Variants in UBR3 observed in about 807,000 individuals in gnomAD.
UBR3 encodes ubiquitin protein ligase E3 component n-recognin 3.
Under a neutral mutation model 243.2 loss-of-function variants are expected in UBR3, and 85 were observed. The ratio of observed to expected loss-of-function variants is 0.35; its 90% CI spans 0.29 to 0.42. UBR3 has a LOEUF of 0.42. Among genes scored for constraint, UBR3 ranks in the 10% least tolerant of loss-of-function variants. The pLI is 1.00. For missense variants in UBR3, 1,686 were observed against 2,300.8 expected (o/e 0.73, Z 5.47); for synonymous variants, 748 against 799.8 (o/e 0.94, Z 1.09).
intron 11 of UBR3, among the ~76,000 whole-genome samples, chr2:169,920,233 G>A (rs1158330089): frequency 2.0e-5 from 3 of 152,022 alleles, no homozygotes; most frequent in Non-Finnish European, 4.4e-5. Context: ...ACCAAACACC[G>A]CATGTTCTCA....
chr2:170,007,340 A>T (rs1346086296), intron 28 of UBR3, 150 bp downstream of exon 28: 2 of 771,614 alleles, frequency 2.6e-6, no homozygotes, highest in African/African-American at 1.8e-5. Flanking sequence ...TTATACTTAA[A>T]TAAAAGTAAT....
Position 169,947,650 on chromosome 2 carries a change from A to T in UBR3, c.3019A>T (p.Thr1007Ser), listed in dbSNP as rs772055921. ...CTATGTTAGAGTAAGAGTTCCAGAG[A>T]CTGCTCCTGAAGTAAAGAGAGACTC... is the stretch of plus-strand genomic sequence containing the variant. The part of the protein sequence containing the change: ...INYVRVRVPE[T>S]APEVKRDSPA... Residue 1007 changes from threonine to serine, a missense_variant, in exon 22 of 39, where the codon ACT becomes TCT. Physicochemically the swap from Thr to Ser is moderately conservative, Grantham distance 58 (BLOSUM62 1). Coordinates refer to ENST00000272793, the MANE Select transcript of UBR3 (RefSeq NM_172070.4). 6.5e-7 allele frequency: 1 copy of T among 1,541,576 alleles called. No homozygotes were observed. The highest frequency in any genetic ancestry group is 1.4e-5 in the African/African-American group (1 of 72,680).
At chr2:170,001,912 C>CAAAAAAAAAAAAAAAAAAAAAAAAAAAA (rs71006062) in intron 27 of UBR3, among the ~76,000 whole-genome samples, 16 of 67,496 alleles carry the variant, frequency 2.4e-4, no homozygotes, top group Non-Finnish European at 3.8e-4. Context: ...GACTCCATCT[C>CAAAAAAAAAAAAAAAAAAAAAAAAAAAA]AAAAAAAAAA....
chr2:169,901,136 C>T (rs539445237), intron 8 of UBR3, among the ~76,000 whole-genome samples: 1 of 152,224 alleles, frequency 6.6e-6, no homozygotes, highest in South Asian at 2.1e-4. Flanking sequence ...TGTTTCTTGG[C>T]ACTTTGTCCT....
intron 1 of UBR3, among the ~76,000 whole-genome samples, chr2:169,844,651 G>A (rs1480767167): frequency 6.6e-6 from 1 of 151,782 alleles, no homozygotes; most frequent in African/African-American, 2.4e-5. Context: ...GCACCACTGC[G>A]CCTAGCTAAT....
chr2:169,931,431 A>AAGG (rs1351430625), intron 18 of UBR3, among the ~76,000 whole-genome samples: 4 of 152,000 alleles, frequency 2.6e-5, no homozygotes, highest in Non-Finnish European at 4.4e-5. Flanking sequence ...CTGTCTTCAG[A>AAGG]ATTTTAAGTC....
chr2:170,033,835 G>A (rs2090749589), intron 31 of UBR3, among the ~76,000 whole-genome samples: 1 of 151,132 alleles, frequency 6.6e-6, no homozygotes, highest in Non-Finnish European at 1.5e-5. Flanking sequence ...TCATTGTGCT[G>A]ATAATCATTT....
chr2:169,845,585 TTC>T (rs2082452501), intron 1 of UBR3, among the ~76,000 whole-genome samples: 1 of 150,756 alleles, frequency 6.6e-6, no homozygotes, highest in South Asian at 2.1e-4. Context: ...TTCTTTCTTC[TTC>T]TTTTTCTTTT....
At chr2:169,940,259 T>A (rs182824070) in intron 19 of UBR3, among the ~76,000 whole-genome samples, 12 of 152,290 alleles carry the variant, frequency 7.9e-5, no homozygotes, top group Middle Eastern at 3.4e-3. Context: ...ATGTATGGAT[T>A]TTAAGGCTAT....
chr2:170,066,880 C>T (rs1962688), intron 35 of UBR3, among the ~76,000 whole-genome samples: 107,927 of 151,222 alleles, frequency 0.71, 39,382 homozygotes, highest in East Asian at 0.88. Flanking sequence ...AGGAGAATGG[C>T]GTGAACCCAG....
intron 31 of UBR3, among the ~76,000 whole-genome samples, chr2:170,031,524 A>T (rs1447275456): frequency 6.6e-6 from 1 of 152,082 alleles, no homozygotes; most frequent in African/African-American, 2.4e-5. Flanking sequence ...TCTATTTTTT[A>T]AAATAATTTC....
chr2:169,878,015 C>T (rs531561446), intron 4 of UBR3, among the ~76,000 whole-genome samples: 10 of 152,298 alleles, frequency 6.6e-5, no homozygotes, highest in African/African-American at 2.4e-4. Context: ...TGAGTTTTCA[C>T]TGGAGAATTC....
At chr2:169,910,376 A>T (rs1045347692) in intron 10 of UBR3, among the ~76,000 whole-genome samples, 1 of 152,178 alleles carries the variant, frequency 6.6e-6, no homozygotes, top group Non-Finnish European at 1.5e-5. Context: ...TGATATTGAT[A>T]TAAAAAGATC....
At chr2:169,912,116 T>C (rs2085275561) in intron 10 of UBR3, among the ~76,000 whole-genome samples, 1 of 152,186 alleles carries the variant, frequency 6.6e-6, no homozygotes, top group Non-Finnish European at 1.5e-5. Flanking sequence ...GGCATATTTA[T>C]ATAATTTACA....
intron 8 of UBR3, among the ~76,000 whole-genome samples, chr2:169,899,385 T>C (rs1382687463): frequency 6.6e-6 from 1 of 152,244 alleles, no homozygotes; most frequent in Non-Finnish European, 1.5e-5. Context: ...TCTACATATA[T>C]TGCTTTTTCT....
chr2:169,949,439 T>A, intron 22 of UBR3, 166 bp from the exon 23 acceptor site: 1 of 610,016 alleles, frequency 1.6e-6, no homozygotes, highest in Non-Finnish European at 2.7e-6. Flanking sequence ...ATTAAATATA[T>A]TTGAGAGAGA....
In UBR3 at chr2:169,828,884, A is replaced by T. The variant is rs1025065827; in HGVS notation, c.545+832A>T. Among the ~76,000 whole-genome samples the T allele has an allele frequency of 4.6e-5, 7 of 152,304 alleles. No individual in the cohort carries two copies. The South Asian group carries it at 6.2e-4, about 14-fold the overall frequency. On this transcript the variant is annotated intron_variant, in intron 1 of 38. Transcript: ENST00000272793. ...CCTTTTGACAGAAGCGATGCATCAG[A>T]TGTTGGGACTTATGAGAAAAGACAT... is the stretch of plus-strand genomic sequence containing the variant.
intron 5 of UBR3, among the ~76,000 whole-genome samples, chr2:169,886,298 G>GTATTTCTTT (rs1318944830): frequency 6.6e-6 from 1 of 152,096 alleles, no homozygotes; most frequent in Non-Finnish European, 1.5e-5. Context: ...AATATTTAAT[G>GTATTTCTTT]TATTTCTTTT....
At chr2:169,890,557 A>ATGTG (rs2084312236) in intron 5 of UBR3, among the ~76,000 whole-genome samples, 1 of 93,968 alleles carries the variant, frequency 1.1e-5, no homozygotes, top group African/African-American at 4.7e-5. Flanking sequence ...ATATATATAT[A>ATGTG]TATATATGTG....
Sources: gnomAD v4.1 joint callset for allele counts (sites outside exome capture counted in the v4.1 genomes callset) on GRCh38, gnomAD v4.1.1 for gene constraint, MANE v1.5 for transcripts, NCBI Gene and HGNC (gene_info 2026-07-23, HGNC 2026-07-21) for gene names.